TSPEAR: variants seen among roughly 807,000 people sequenced by gnomAD.
TSPEAR encodes the protein thrombospondin-type laminin G domain and EAR repeat-containing protein.
A neutral mutation model predicts 71.6 loss-of-function variants in TSPEAR; 69 were observed. The observed-to-expected ratio is 0.96, with a 90% CI of 0.79 to 1.18. The LOEUF (loss-of-function observed/expected upper bound fraction) is 1.18, where lower values mean the gene tolerates loss of function less well. Among genes scored for constraint, TSPEAR ranks in the 50% most tolerant of loss-of-function variants. The pLI is 0.00. For synonymous variants in TSPEAR, 402 were observed against 387.2 expected, an observed-to-expected ratio of 1.04 and a Z score of -0.45; for missense variants, 971 against 894.9, an observed-to-expected ratio of 1.09 and a Z score of -1.09.
At chr21:44,698,750 C>T (rs1476309867) in intron 1 of TSPEAR, among the ~76,000 whole-genome samples, 1 of 152,244 alleles carries the variant, frequency 6.6e-6, no homozygotes, top group South Asian at 2.1e-4. Flanking sequence ...CAAACCTCTC[C>T]CACCTCTCCA....
At chr21:44,595,773 T>C (rs1486252984) in intron 1 of TSPEAR, among the ~76,000 whole-genome samples, 10 of 152,226 alleles carry the variant, frequency 6.6e-5, no homozygotes, top group Non-Finnish European at 1.2e-4. Flanking sequence ...CACATACACA[T>C]ACATACATAT....
At chr21:44,658,103 C>T (rs782010833) in intron 1 of TSPEAR, 48 of 1,613,604 alleles carry the variant, frequency 3.0e-5, no homozygotes, top group Admixed American at 1.0e-4. Flanking sequence ...GAGCTGCACG[C>T]GCATTGTGTG....
chr21:44,615,550 T>TG (rs1555932267), intron 1 of TSPEAR, among the ~76,000 whole-genome samples: 4 of 4,296 alleles, frequency 9.3e-4, no homozygotes, highest in South Asian at 6.7e-3. Flanking sequence ...TAACCAAAGG[T>TG]TTTTTTTTTT....
chr21:44,689,733 A>ATTTTTT (rs1460874522), intron 1 of TSPEAR, among the ~76,000 whole-genome samples: 5 of 121,484 alleles, frequency 4.1e-5, no homozygotes, highest in African/African-American at 1.7e-4. Context: ...ATATATATAT[A>ATTTTTT]TATATATTTT....
Position 44,521,883 on chromosome 21 carries a change from C to G in TSPEAR, c.1566G>C (p.Pro522=). Residue 522 remains proline, a splice_region_variant and synonymous_variant, in exon 9 of 12, where the codon CCG becomes CCC. Transcript: ENST00000323084. ...LGSFQLFQSF[P]TFGAADWEVF... ...CCGGGGCTCATGCGGGGGGCCTTAC[C>G]GGGAAGGACTGGAAGAGCTGGAAGG... 1 of 1,613,014 alleles carries G rather than the reference C, an allele frequency of 6.2e-7. No individual in the cohort carries two copies. The highest frequency in any genetic ancestry group is 8.5e-7 in the Non-Finnish European group (1 of 1,179,600).
intron 1 of TSPEAR, among the ~76,000 whole-genome samples, chr21:44,657,375 G>A (rs1276042679): frequency 1.3e-5 from 2 of 152,188 alleles, no homozygotes; most frequent in Non-Finnish European, 2.9e-5. Context: ...AGGGCAGACA[G>A]CAAATATTTT....
rs587713112 is a variant in TSPEAR, at chr21:44,502,696, C to T, written c.1856+2084G>A. Among the ~76,000 whole-genome samples the T allele has an allele frequency of 1.1e-3, 173 of 152,392 alleles. 1 individual carries two copies. The highest frequency in any genetic ancestry group is 3.8e-3 in the African/African-American group (157 of 41,600). On this transcript the variant is annotated intron_variant, in intron 11 of 11. Coordinates refer to ENST00000323084, the MANE Select transcript of TSPEAR (RefSeq NM_144991.3). Reference sequence around the variant, plus strand: ...GCAGGGCCCCAGCTCAGATCCCACACGGGTGCAGCCAGCGCCGGGCCATCC... The same window carrying T: ...GCAGGGCCCCAGCTCAGATCCCACATGGGTGCAGCCAGCGCCGGGCCATCC...
intron 1 of TSPEAR, among the ~76,000 whole-genome samples, chr21:44,673,154 G>A (rs113094115): frequency 0.021 from 3,247 of 152,196 alleles, 45 homozygotes; most frequent in Non-Finnish European, 0.03. Context: ...ATAGCAAGAA[G>A]AAAGCAACTA....
intron 1 of TSPEAR, among the ~76,000 whole-genome samples, chr21:44,699,546 C>G: frequency 6.6e-6 from 1 of 152,116 alleles, no homozygotes. Flanking sequence ...TTCTTCTCTT[C>G]CCTCTTCCCA....
chr21:44,654,051 C>T (rs150838462), intron 1 of TSPEAR, among the ~76,000 whole-genome samples: 19 of 152,326 alleles, frequency 1.2e-4, no homozygotes, highest in African/African-American at 3.6e-4. Context: ...TCAGACAGTG[C>T]GGAGGGCCCT....
At chr21:44,704,493 G>A (rs1569270053) in intron 1 of TSPEAR, among the ~76,000 whole-genome samples, 2 of 152,206 alleles carry the variant, frequency 1.3e-5, no homozygotes, top group South Asian at 2.1e-4. Context: ...TAAAACCCAC[G>A]GCCTTCTCAG....
intron 1 of TSPEAR, among the ~76,000 whole-genome samples, chr21:44,617,758 C>T (rs76197992): frequency 0.011 from 1,624 of 152,356 alleles, 19 homozygotes; most frequent in African/African-American, 0.032. Flanking sequence ...AGCGTGAACA[C>T]GCTGCACTTG....
In TSPEAR at chr21:44,646,579, C is replaced by T. The variant is rs781870151; in HGVS notation, c.82+64854G>A. Reference sequence around the variant, plus strand: ...CGCCCCCAGCTGCTGCGCCCCGGCCCCCTCCCTGAGCCTGGTCTGCACCCC... The same window carrying T: ...CGCCCCCAGCTGCTGCGCCCCGGCCTCCTCCCTGAGCCTGGTCTGCACCCC... On this transcript the variant is annotated intron_variant, in intron 1 of 11. Transcript: ENST00000323084. The T allele has an allele frequency of 3.1e-6, 5 of 1,612,296 alleles. No individual in the cohort carries two copies. In the African/African-American group the frequency reaches 4.0e-5, roughly 13 times the overall value.
At chr21:44,647,024 G>C in intron 1 of TSPEAR, 1 of 1,612,740 alleles carries the variant, frequency 6.2e-7, no homozygotes, top group Non-Finnish European at 8.5e-7. Context: ...CAGGCCTGCT[G>C]CGTGCCTGTC....
chr21:44,644,244 C>G (rs1555939057), intron 1 of TSPEAR, among the ~76,000 whole-genome samples: 1 of 152,204 alleles, frequency 6.6e-6, no homozygotes, highest in Non-Finnish European at 1.5e-5. Context: ...GTCCAGGGCT[C>G]TACAGTTGCA....
intron 9 of TSPEAR, chr21:44,518,166 T>G (rs1555913727): frequency 2.6e-6 from 1 of 378,386 alleles, no homozygotes; most frequent in Non-Finnish European, 5.4e-6. Context: ...TCTTGAATAC[T>G]TCTGAAGACA....
chr21:44,599,451 G>A (rs1469658839), intron 1 of TSPEAR, among the ~76,000 whole-genome samples: 1 of 152,156 alleles, frequency 6.6e-6, no homozygotes, highest in African/African-American at 2.4e-5. Flanking sequence ...TCTCCCCTGG[G>A]TAGGGGCCAC....
chr21:44,698,002 T>C (rs918544197), intron 1 of TSPEAR: 28 of 1,554,606 alleles, frequency 1.8e-5, no homozygotes, highest in South Asian at 3.7e-5. Flanking sequence ...CACTGGGCAC[T>C]ATGAGTCCCC....
intron 1 of TSPEAR, among the ~76,000 whole-genome samples, chr21:44,670,056 C>T (rs1239697024): frequency 6.6e-6 from 1 of 152,190 alleles, no homozygotes; most frequent in African/African-American, 2.4e-5. Context: ...GAATAATTCC[C>T]TTTTAATATC....
Sources: gnomAD v4.1 joint callset for allele counts (sites outside exome capture counted in the v4.1 genomes callset) on GRCh38, gnomAD v4.1.1 for gene constraint, MANE v1.5 for transcripts, NCBI Gene and HGNC (gene_info 2026-07-23, HGNC 2026-07-21) for gene names.